Variants in MSRA observed in about 807,000 individuals in gnomAD.
MSRA encodes the protein methionine sulfoxide reductase A, also known as mitochondrial peptide methionine sulfoxide reductase.
Under a neutral mutation model 31.3 loss-of-function variants are expected in MSRA, and 54 were observed. The ratio of observed to expected loss-of-function variants is 1.73; its 90% CI spans 1.39 to 2.17. The LOEUF is 2.17. MSRA is among the 30% of genes most tolerant of loss of function. The pLI is 0.00. For synonymous variants in MSRA, 169 were observed against 116.5 expected, an observed-to-expected ratio of 1.45 and a Z score of -2.90; for missense variants, 507 against 300.9, an observed-to-expected ratio of 1.69 and a Z score of -5.07.
chr8:10,128,747 C>G (rs1205766931), intron 1 of MSRA, among the ~76,000 whole-genome samples: 1 of 152,198 alleles, frequency 6.6e-6, no homozygotes, highest in Non-Finnish European at 1.5e-5. Flanking sequence ...TTGCTTAAAA[C>G]TTCTTTTCTA....
intron 3 of MSRA, among the ~76,000 whole-genome samples, chr8:10,283,654 A>G (rs1224950436): frequency 2.0e-5 from 3 of 150,570 alleles, no homozygotes; most frequent in African/African-American, 7.3e-5. Flanking sequence ...TTGCATCCTC[A>G]TAGCTTAGCT....
intron 1 of MSRA, among the ~76,000 whole-genome samples, chr8:10,192,030 C>T (rs1196789451): frequency 6.6e-6 from 1 of 152,182 alleles, no homozygotes; most frequent in Non-Finnish European, 1.5e-5. Flanking sequence ...ATTCACAGGG[C>T]TGTTGGCAAG....
At chr8:10,410,078 C>A (rs992384934) in intron 5 of MSRA, among the ~76,000 whole-genome samples, 1 of 152,190 alleles carries the variant, frequency 6.6e-6, no homozygotes, top group Non-Finnish European at 1.5e-5. Context: ...AAAGATATTT[C>A]TTCGTAGAGC....
chr8:10,209,091 C>A (rs1334174393), intron 2 of MSRA, among the ~76,000 whole-genome samples: 1 of 152,126 alleles, frequency 6.6e-6, no homozygotes, highest in African/African-American at 2.4e-5. Flanking sequence ...ACATACTGAT[C>A]AGTGATGAGA....
intron 1 of MSRA, among the ~76,000 whole-genome samples, chr8:10,092,720 G>A (rs1189345262): frequency 6.6e-6 from 1 of 151,908 alleles, no homozygotes; most frequent in Admixed American, 6.6e-5. Flanking sequence ...TTATAGTGTT[G>A]GTCAAGTTTT....
chr8:10,228,100 C>T (rs144396355), intron 2 of MSRA, among the ~76,000 whole-genome samples: 13 of 152,164 alleles, frequency 8.5e-5, no homozygotes, highest in East Asian at 1.9e-4. Context: ...AATGTGTGTC[C>T]GTGGCCAGGG....
chr8:10,414,857 A>C (rs1808361790), intron 5 of MSRA, among the ~76,000 whole-genome samples: 1 of 152,242 alleles, frequency 6.6e-6, no homozygotes, highest in African/African-American at 2.4e-5. Flanking sequence ...GATTGCAGAT[A>C]TGAAAAAGCA....
At chr8:10,359,449 T>C (rs1348540826) in intron 5 of MSRA, among the ~76,000 whole-genome samples, 2 of 152,204 alleles carry the variant, frequency 1.3e-5, no homozygotes, top group Non-Finnish European at 2.9e-5. Flanking sequence ...TAAAGGCCTT[T>C]AGTTCATTTT....
chr8:10,152,367 A>C (rs1803765602), intron 1 of MSRA, among the ~76,000 whole-genome samples: 1 of 152,208 alleles, frequency 6.6e-6, no homozygotes, highest in African/African-American at 2.4e-5. Flanking sequence ...CTCAGAGGGA[A>C]TGTGTAATAA....
intron 1 of MSRA, among the ~76,000 whole-genome samples, chr8:10,195,628 T>C (rs1353140118): frequency 1.3e-5 from 2 of 152,212 alleles, no homozygotes; most frequent in Non-Finnish European, 2.9e-5. Flanking sequence ...ATTGAATAAA[T>C]TGGAAGCCTT....
intron 1 of MSRA, among the ~76,000 whole-genome samples, chr8:10,091,376 A>AT (rs1331723591): frequency 1.3e-5 from 2 of 152,166 alleles, no homozygotes; most frequent in South Asian, 2.1e-4. Flanking sequence ...CTCACATATT[A>AT]TTTTTTGTGA....
chr8:10,174,095 C>T (rs919142920), intron 1 of MSRA, among the ~76,000 whole-genome samples: 1 of 152,098 alleles, frequency 6.6e-6, no homozygotes, highest in African/African-American at 2.4e-5. Flanking sequence ...AGGGAATGTG[C>T]CAATTAGACC....
At chr8:10,129,423 T>C (rs1311706931) in intron 1 of MSRA, among the ~76,000 whole-genome samples, 1 of 152,056 alleles carries the variant, frequency 6.6e-6, no homozygotes, top group Non-Finnish European at 1.5e-5. Flanking sequence ...ATAAAATAAA[T>C]ATAAAGTGAT....
rs573555673 is a variant in MSRA at position 10,156,598 on chromosome 8, C to G, written c.143-51235C>G. The stretch of plus-strand genomic sequence containing the variant: ...AAAACTAAGTGGCATAGAAATTAAT[C>G]TCTTCTTTTCATATGGACACATAGA... On this transcript the variant is annotated intron_variant, in intron 1 of 5. Transcript: ENST00000317173. Among the ~76,000 whole-genome samples, 3 of 152,136 alleles carry G rather than the reference C, an allele frequency of 2.0e-5. No individual in the cohort carries two copies. The South Asian group carries it at 6.2e-4, about 32-fold the overall frequency.
intron 1 of MSRA, among the ~76,000 whole-genome samples, chr8:10,205,745 T>C (rs1563216968): frequency 6.6e-6 from 1 of 152,268 alleles, no homozygotes; most frequent in Admixed American, 6.5e-5. Flanking sequence ...TTTTCATTTT[T>C]ATGTTCTTCT....
In MSRA at chr8:10,086,871, G is replaced by GGAGAGGGAGAGA. The variant is rs1232992650; in HGVS notation, c.142+32225_142+32236dup. The stretch of plus-strand genomic sequence containing the variant: ...CAGGCAGAGGAGAGAAGAGAGGGAG[G>GGAGAGGGAGAGA]GAGAGGGAGAGAGAGAGGGAGAGGG... On this transcript the variant is annotated intron_variant, in intron 1 of 5. Coordinates refer to ENST00000317173, the MANE Select transcript of MSRA (RefSeq NM_012331.5). Among the ~76,000 whole-genome samples the GGAGAGGGAGAGA allele has an allele frequency of 4.8e-3, 728 of 150,690 alleles. 8 individuals are homozygous for GGAGAGGGAGAGA. The highest frequency in any genetic ancestry group is 0.016 in the African/African-American group (639 of 40,880).
chr8:10,244,192 T>C (rs1008412682), intron 2 of MSRA, among the ~76,000 whole-genome samples: 3 of 152,196 alleles, frequency 2.0e-5, no homozygotes, highest in African/African-American at 7.2e-5. Flanking sequence ...TAAAGCCATA[T>C]AAAATTTGAG....
chr8:10,272,968 A>C (rs898270053), intron 3 of MSRA, among the ~76,000 whole-genome samples: 4 of 152,214 alleles, frequency 2.6e-5, no homozygotes, highest in African/African-American at 9.6e-5. Flanking sequence ...TTTAAATATG[A>C]CTAGTAAGAG....
chr8:10,328,721 A>C (rs577148521), intron 5 of MSRA, among the ~76,000 whole-genome samples: 14 of 152,182 alleles, frequency 9.2e-5, no homozygotes, highest in Non-Finnish European at 2.1e-4. Context: ...AGTATATCTA[A>C]GATGTAGCCT....
Sources: allele counts gnomAD v4.1 joint callset (sites outside exome capture counted in the v4.1 genomes callset), GRCh38; gene constraint gnomAD v4.1.1; transcripts MANE v1.5; gene names NCBI Gene and HGNC (gene_info 2026-07-23, HGNC 2026-07-21).